Variants in MB21D2 observed in about 807,000 individuals in gnomAD.
The protein encoded by MB21D2 is Mab-21 domain containing 2.
MB21D2 carries 9 observed loss-of-function variants against 33.3 expected under a neutral mutation model. The observed-to-expected ratio is 0.27, with a 90% CI of 0.16 to 0.47. The LOEUF (loss-of-function observed/expected upper bound fraction) is 0.47. MB21D2 is among the 20% of genes least tolerant of loss of function. The pLI, the probability that MB21D2 is intolerant of heterozygous loss-of-function variation, is 0.99. For missense variants in MB21D2, 540 were observed against 624.6 expected, an observed-to-expected ratio of 0.86 and a Z score of 1.44; for synonymous variants, 241 against 236.3, an observed-to-expected ratio of 1.02 and a Z score of -0.18.
At chr3:192,817,672 C>A (rs1560229485) in intron 1 of MB21D2, among the ~76,000 whole-genome samples, 4 of 152,106 alleles carry the variant, frequency 2.6e-5, no homozygotes, top group Non-Finnish European at 5.9e-5. Flanking sequence ...ACACCCCATG[C>A]CACTGTGTGT....
At chr3:192,892,481 G>A (rs189401380) in intron 1 of MB21D2, among the ~76,000 whole-genome samples, 181 of 152,256 alleles carry the variant, frequency 1.2e-3, no homozygotes, top group African/African-American at 4.2e-3. Flanking sequence ...ATAGAGTTTC[G>A]CTGTTGATGC....
intron 1 of MB21D2, among the ~76,000 whole-genome samples, chr3:192,916,952 C>G (rs898148422): frequency 1.3e-5 from 2 of 152,226 alleles, no homozygotes; most frequent in East Asian, 1.9e-4. Flanking sequence ...TTAAGAATTC[C>G]GAGCTCAGCG....
At chr3:192,801,616 T>C (rs1382553076) in intron 1 of MB21D2, among the ~76,000 whole-genome samples, 5 of 152,156 alleles carry the variant, frequency 3.3e-5, no homozygotes, top group Non-Finnish European at 7.3e-5. Flanking sequence ...CCTTCTGCCA[T>C]GTGAGGACAC....
At chr3:192,851,876 T>A (rs1712813247) in intron 1 of MB21D2, among the ~76,000 whole-genome samples, 1 of 152,230 alleles carries the variant, frequency 6.6e-6, no homozygotes, top group Non-Finnish European at 1.5e-5. Context: ...CTTACTGCTG[T>A]ATCCTCTAAA....
At chr3:192,837,807 T>C (rs968257763) in intron 1 of MB21D2, among the ~76,000 whole-genome samples, 64 of 152,338 alleles carry the variant, frequency 4.2e-4, no homozygotes, top group African/African-American at 1.4e-3. Context: ...ACACATATTA[T>C]AGTTGAAAGA....
At chr3:192,887,936 G>C (rs1387423399) in intron 1 of MB21D2, among the ~76,000 whole-genome samples, 1 of 152,024 alleles carries the variant, frequency 6.6e-6, no homozygotes, top group Non-Finnish European at 1.5e-5. Flanking sequence ...CCCAGGTGCT[G>C]GTGCTGGTTC....
intron 1 of MB21D2, among the ~76,000 whole-genome samples, chr3:192,870,731 A>AGAAG (rs71177381): frequency 7.5e-6 from 1 of 132,742 alleles, no homozygotes; most frequent in Non-Finnish European, 1.5e-5. Context: ...GAAGGAGAGA[A>AGAAG]GAAGGAAGGA....
chr3:192,825,593 T>C (rs1712157849), intron 1 of MB21D2, among the ~76,000 whole-genome samples: 2 of 152,228 alleles, frequency 1.3e-5, no homozygotes, highest in Non-Finnish European at 2.9e-5. Flanking sequence ...TAATTAAAAT[T>C]TTCACAACAC....
chr3:192,914,455 C>A (rs1033789615), intron 1 of MB21D2, among the ~76,000 whole-genome samples: 1 of 152,138 alleles, frequency 6.6e-6, no homozygotes, highest in Non-Finnish European at 1.5e-5. Context: ...CAGTCTCTAT[C>A]GAACCTCACC....
intron 1 of MB21D2, among the ~76,000 whole-genome samples, chr3:192,913,867 C>A (rs190980260): frequency 2.6e-5 from 4 of 152,070 alleles, no homozygotes; most frequent in African/African-American, 9.6e-5. Context: ...ACCACAAAGC[C>A]AACAAGAGGC....
chr3:192,827,796 A>G (rs1043843028), intron 1 of MB21D2, among the ~76,000 whole-genome samples: 4 of 152,118 alleles, frequency 2.6e-5, no homozygotes, highest in Admixed American at 1.3e-4. Flanking sequence ...TAAAAGTTGA[A>G]TGACATATGT....
intron 1 of MB21D2, among the ~76,000 whole-genome samples, chr3:192,893,757 C>G (rs879822498): frequency 3.3e-5 from 5 of 152,130 alleles, no homozygotes; most frequent in Non-Finnish European, 7.4e-5. Context: ...CCACCTCTGG[C>G]TGGGGGGTGG....
At chr3:192,877,762 C>T (rs1182042750) in intron 1 of MB21D2, among the ~76,000 whole-genome samples, 1 of 152,180 alleles carries the variant, frequency 6.6e-6, no homozygotes, top group Non-Finnish European at 1.5e-5. Context: ...CCAAATTACT[C>T]AGATTGGGGC....
intron 1 of MB21D2, among the ~76,000 whole-genome samples, chr3:192,849,474 C>T (rs954530810): frequency 5.3e-5 from 8 of 151,988 alleles, no homozygotes; most frequent in Non-Finnish European, 8.8e-5. Flanking sequence ...TGTGCCACCA[C>T]GCCCAGCTAA....
At chr3:192,876,254 G>A (rs1214896265) in intron 1 of MB21D2, among the ~76,000 whole-genome samples, 1 of 152,114 alleles carries the variant, frequency 6.6e-6, no homozygotes, top group East Asian at 1.9e-4. Context: ...GTCCTTTTCT[G>A]AGAATGACTC....
In MB21D2 at chr3:192,798,778, T is replaced by C; in HGVS notation, c.1084A>G (p.Ile362Val). Residue 362 changes from isoleucine to valine, a missense_variant, in exon 2 of 2, where the codon ATC becomes GTC. By Grantham distance (29) the Ile-to-Val change is conservative (BLOSUM62 3). Transcript: ENST00000392452. This position sits in a 1 kb window ranked among gnomAD's most constrained non-coding sequence, Gnocchi z 4.8. ...ACCAGACAGTGTTGCAGGTCATCGA[T>C]GAGGCCCAGCAAAAAGTGGGCTGCA... ...DYAAHFLLGL[I>V]DDLQHCLVNK... 2 of 1,613,126 alleles carry C rather than the reference T, an allele frequency of 1.2e-6. No individual in the cohort carries two copies. Among genetic ancestry groups the C allele is most frequent in the South Asian group, 1.1e-5 (1 of 91,084 alleles).
chr3:192,876,672 T>G (rs1309008194), intron 1 of MB21D2, among the ~76,000 whole-genome samples: 1 of 152,166 alleles, frequency 6.6e-6, no homozygotes, highest in Non-Finnish European at 1.5e-5. Flanking sequence ...TTCTTGCCAC[T>G]TCCCTAGTTA....
At chr3:192,893,277 G>A (rs756504589) in intron 1 of MB21D2, among the ~76,000 whole-genome samples, 2 of 152,166 alleles carry the variant, frequency 1.3e-5, no homozygotes, top group African/African-American at 2.4e-5. Context: ...CCGAAACTGC[G>A]TTCCAAACAT....
At chr3:192,866,943 T>C (rs959433427) in intron 1 of MB21D2, among the ~76,000 whole-genome samples, 9 of 152,214 alleles carry the variant, frequency 5.9e-5, no homozygotes, top group African/African-American at 2.2e-4. Flanking sequence ...AAATTTTCCT[T>C]CCTCCCAGAA....
Sources: allele counts gnomAD v4.1 joint callset (sites outside exome capture counted in the v4.1 genomes callset), GRCh38; gene constraint gnomAD v4.1.1; non-coding constraint Gnocchi (gnomAD v3.1); transcripts MANE v1.5; gene names NCBI Gene and HGNC (gene_info 2026-07-23, HGNC 2026-07-21).